PLEKHG5: variants seen among roughly 807,000 people sequenced by gnomAD.
PLEKHG5 encodes the protein pleckstrin homology domain-containing family G member 5.
In PLEKHG5, 52 loss-of-function variants were observed where a neutral mutation model predicts 103.8. That is an observed-to-expected ratio of 0.50 (90% CI 0.40 to 0.63). PLEKHG5 has a LOEUF of 0.63. Ranked by LOEUF, PLEKHG5 falls within the 30% of genes least tolerant of loss-of-function variation. PLEKHG5 has a pLI of 0.00. For synonymous variants in PLEKHG5, 592 were observed against 575.5 expected (o/e 1.03, Z -0.41); for missense variants, 1,205 against 1,347.6 (o/e 0.89, Z 1.66).
At chr1:6,504,889 C>G (rs1012752725) in intron 1 of PLEKHG5, among the ~76,000 whole-genome samples, 1 of 152,146 alleles carries the variant, frequency 6.6e-6, no homozygotes, top group Non-Finnish European at 1.5e-5. Flanking sequence ...TTTTCAAAAC[C>G]CTTCGCTGTA....
intron 7 of PLEKHG5, 93 bp from the exon 8 acceptor site, chr1:6,473,547 G>A: frequency 2.0e-6 from 2 of 979,256 alleles, no homozygotes; most frequent in Non-Finnish European, 2.9e-6. Context: ...GCCAGCCTGG[G>A]ATGGAGGAGG....
At chr1:6,474,361 AC>A in intron 6 of PLEKHG5, 89 bp downstream of exon 6, 1 of 1,515,336 alleles carries the variant, frequency 6.6e-7, no homozygotes. Flanking sequence ...CAGGCCCACG[AC>A]CAATGGGAAC....
upstream of PLEKHG5, among the ~76,000 whole-genome samples, chr1:6,496,275 G>A (rs1367226398): frequency 3.3e-5 from 5 of 152,210 alleles, no homozygotes; most frequent in African/African-American, 1.2e-4. Flanking sequence ...CCACCCCCCT[G>A]TTCTTGTAGA....
chr1:6,476,309 G>C (rs1644764172), intron 2 of PLEKHG5, among the ~76,000 whole-genome samples: 1 of 152,330 alleles, frequency 6.6e-6, no homozygotes, highest in Non-Finnish European at 1.5e-5. Context: ...TCATGCTTCA[G>C]CCTCTTGAGT....
chr1:6,474,666 C>T, intron 5 of PLEKHG5, 79 bp from the exon 6 acceptor site: 12 of 1,418,796 alleles, frequency 8.5e-6, no homozygotes, highest in Non-Finnish European at 1.2e-5. Flanking sequence ...CCACGAGCCC[C>T]CGCCCCACCC....
At chr1:6,503,797 C>G (rs1436585626) in intron 1 of PLEKHG5, among the ~76,000 whole-genome samples, 1 of 152,158 alleles carries the variant, frequency 6.6e-6, no homozygotes, top group African/African-American at 2.4e-5. Flanking sequence ...GATCAAGGGG[C>G]CCCAGAGCTG....
At chr1:6,480,458 G>A (rs1644870468) in intron 1 of PLEKHG5, among the ~76,000 whole-genome samples, 2 of 149,838 alleles carry the variant, frequency 1.3e-5, no homozygotes, top group Non-Finnish European at 3.0e-5. Context: ...TGAACCGGGG[G>A]CAGAGGTTGC....
In PLEKHG5 at chr1:6,506,562, C is replaced by T. The variant is rs951274044; in HGVS notation, c.-164-9993G>A. 3.9e-5 allele frequency among the ~76,000 whole-genome samples: 6 copies of T among 152,306 alleles called. No individual in the cohort carries two copies. In the East Asian group the frequency reaches 5.8e-4, roughly 15 times the overall value. On this transcript the variant is annotated intron_variant, in intron 1 of 21. Coordinates refer to the PLEKHG5 transcript ENST00000377740. Reference sequence around the variant, plus strand: ...AAATGTGCTGCCCGAGGAGCAATTCCGGCTCCCCACCCCTGACCTGTGACC... The same window carrying T: ...AAATGTGCTGCCCGAGGAGCAATTCTGGCTCCCCACCCCTGACCTGTGACC...
At chr1:6,489,776 G>C (rs936585483) in intron 1 of PLEKHG5, among the ~76,000 whole-genome samples, 5 of 152,218 alleles carry the variant, frequency 3.3e-5, no homozygotes, top group African/African-American at 1.2e-4. Context: ...TGTGCCAAGA[G>C]GGCATAGAAT....
upstream of PLEKHG5, among the ~76,000 whole-genome samples, chr1:6,501,446 A>G (rs1645295844): frequency 6.6e-6 from 1 of 152,068 alleles, no homozygotes; most frequent in African/African-American, 2.4e-5. This position sits in a 1 kb window ranked among gnomAD's most constrained non-coding sequence, Gnocchi z 4.3. Flanking sequence ...CTGGACTCCC[A>G]CTGTCTTGAA....
chr1:6,489,107 C>G (rs1014562849), intron 1 of PLEKHG5, among the ~76,000 whole-genome samples: 2 of 152,192 alleles, frequency 1.3e-5, no homozygotes, highest in Admixed American at 6.5e-5. Flanking sequence ...ACCAGGAGTC[C>G]GAGCTCTCTG....
At chr1:6,476,568 C>T (rs946390567) in intron 2 of PLEKHG5, among the ~76,000 whole-genome samples, 4 of 152,104 alleles carry the variant, frequency 2.6e-5, no homozygotes, top group Non-Finnish European at 2.9e-5. Flanking sequence ...TGAAGCTCCA[C>T]CCCAAAAACA....
intron 1 of PLEKHG5, among the ~76,000 whole-genome samples, chr1:6,484,185 C>A (rs1644967568): frequency 6.6e-6 from 1 of 152,216 alleles, no homozygotes; most frequent in Non-Finnish European, 1.5e-5. Context: ...ACGGAAGAGT[C>A]AGTATTCAAC....
chr1:6,475,708 G>A (rs891838046), intron 3 of PLEKHG5, among the ~76,000 whole-genome samples, 186 bp from the exon 4 acceptor site: 2 of 152,148 alleles, frequency 1.3e-5, no homozygotes, highest in East Asian at 1.9e-4. Flanking sequence ...GAGTCACATC[G>A]AACGGTACCT....
At chr1:6,499,617 C>T (rs372222470), upstream of PLEKHG5, among the ~76,000 whole-genome samples, 1 of 152,226 alleles carries the variant, frequency 6.6e-6, no homozygotes, top group East Asian at 1.9e-4. Context: ...AGAGTGGGGC[C>T]TGTGGGGCTT....
intron 12 of PLEKHG5, 129 bp from the exon 13 acceptor site, chr1:6,471,229 G>A (rs1644576042): frequency 4.8e-6 from 4 of 841,902 alleles, no homozygotes; most frequent in Non-Finnish European, 7.8e-6. Context: ...GCAAGCTTAT[G>A]ATCCCTGTTT....
At chr1:6,498,623 A>C (rs1645261519), upstream of PLEKHG5, among the ~76,000 whole-genome samples, 2 of 151,790 alleles carry the variant, frequency 1.3e-5, no homozygotes, top group African/African-American at 4.8e-5. Flanking sequence ...CATCTGCATG[A>C]CCCTGGGGAG....
intron 1 of PLEKHG5, among the ~76,000 whole-genome samples, chr1:6,483,980 C>T (rs1245562104): frequency 2.0e-5 from 3 of 152,200 alleles, no homozygotes; most frequent in African/African-American, 2.4e-5. Flanking sequence ...CCAGCTGGGG[C>T]GGCAGACCTG....
At chr1:6,496,981 G>C (rs1009983295), upstream of PLEKHG5, 34 of 1,529,202 alleles carry the variant, frequency 2.2e-5, no homozygotes, top group Non-Finnish European at 2.8e-5. Context: ...TCCCTTTAGA[G>C]ACAGAGGAGC....
Sources: allele counts gnomAD v4.1 joint callset (sites outside exome capture counted in the v4.1 genomes callset), GRCh38; gene constraint gnomAD v4.1.1; non-coding constraint Gnocchi (gnomAD v3.1); transcripts MANE v1.5; gene names NCBI Gene and HGNC (gene_info 2026-07-23, HGNC 2026-07-21).